Variants in C22orf31 observed in about 807,000 individuals in gnomAD.
C22orf31 encodes chromosome 22 open reading frame 31, also known as uncharacterized protein C22orf31.
C22orf31 carries 11 observed loss-of-function variants against 15.0 expected under a neutral mutation model. That is an observed-to-expected ratio of 0.73 (90% CI 0.46 to 1.21). The LOEUF (loss-of-function observed/expected upper bound fraction) is 1.21, where lower values mean the gene tolerates loss of function less well. C22orf31 is among the 50% of genes most tolerant of loss of function. The probability of loss-of-function intolerance (pLI) is 0.00; values close to 1 mark genes in which losing one functional copy is unlikely to be tolerated. For synonymous variants in C22orf31, 132 were observed against 133.3 expected, an observed-to-expected ratio of 0.99 and a Z score of 0.07; for missense variants, 340 against 347.2, an observed-to-expected ratio of 0.98 and a Z score of 0.17.
chr22:29,065,206 C>T (rs889836334), upstream of C22orf31, among the ~76,000 whole-genome samples: 3 of 152,132 alleles, frequency 2.0e-5, no homozygotes, highest in African/African-American at 7.2e-5. Context: ...CTTTCTTGAG[C>T]TCCTGTTGCT....
chr22:29,060,728 A>T lies in C22orf31; in HGVS notation c.119T>A (p.Ile40Asn), dbSNP rs895874701. 1.2e-6 allele frequency: 2 copies of T among 1,614,148 alleles called. No homozygotes were observed. Among genetic ancestry groups the T allele is most frequent in the East Asian group, 4.5e-5 (2 of 44,868 alleles). Reference sequence around the variant, plus strand: ...CTTTGCACATGTTCTGGCCATCCAGATGTTGGTGAGAGCCGGTGAGTCCAC... The same window carrying T: ...CTTTGCACATGTTCTGGCCATCCAGTTGTTGGTGAGAGCCGGTGAGTCCAC... Reference protein sequence around the residue: ...CYVDSPALTNIWMARTCAKQN... With the variant: ...CYVDSPALTNNWMARTCAKQN... The change falls in exon 2 of 3, where the codon ATC becomes AAC. Residue 40 changes from isoleucine (I) to asparagine (N), a missense_variant. Coordinates refer to ENST00000216071, the MANE Select transcript of C22orf31 (RefSeq NM_015370.2).
intron 1 of C22orf31, 125 bp from the exon 2 acceptor site, chr22:29,060,968 GA>G: frequency 2.6e-6 from 2 of 777,334 alleles, no homozygotes; most frequent in Non-Finnish European, 4.1e-6. Flanking sequence ...CCAGTTCTTA[GA>G]AATTTACTAT....
chr22:29,058,888 T>C lies in C22orf31; in HGVS notation c.727A>G (p.Ile243Val), dbSNP rs1238491157. 1 of 1,614,086 alleles carries C rather than the reference T, an allele frequency of 6.2e-7. No homozygotes were observed. The highest frequency in any genetic ancestry group is 8.5e-7 in the Non-Finnish European group (1 of 1,180,032). The stretch of plus-strand genomic sequence containing the variant: ...AGAGCCTCCCAGAGCTTTTGTTTAA[T>C]GGCCTTGCCCAGCTCCAGGCTGTAC... Reference protein sequence around the residue: ...KRYSLELGKAIKQKLWEALCS... With the variant: ...KRYSLELGKAVKQKLWEALCS... The change falls in exon 3 of 3, where the codon ATT (isoleucine) becomes GTT (valine). Residue 243 changes from isoleucine to valine, a missense_variant. Physicochemically the swap from Ile to Val is conservative, Grantham distance 29 (BLOSUM62 3). Transcript: ENST00000216071.
rs1364681043 is a variant in C22orf31 at position 29,061,593 on chromosome 22, C to T, written c.3+197G>A. 4.6e-5 allele frequency among the ~76,000 whole-genome samples: 7 copies of T among 152,052 alleles called. No individual in the cohort carries two copies. The East Asian group carries it at 1.3e-3, about 29-fold the overall frequency. ...ATACACTTTCTAACCAACTGCCATG[C>T]ACCAAGAAGAGCTCATTCACAGGGA... On this transcript the variant is annotated intron_variant, in intron 1 of 2. Transcript: ENST00000216071.
the C22orf31 span, among the ~76,000 whole-genome samples, chr22:29,073,934 C>G: frequency 6.6e-6 from 1 of 152,166 alleles, no homozygotes; most frequent in Admixed American, 6.5e-5. The surrounding 1 kb of genome is among the most constrained non-coding windows in gnomAD (Gnocchi z 4.4). Context: ...CCGAGACCTC[C>G]AGCGACATCC....
chr22:29,064,411 T>C (rs1306175358), upstream of C22orf31, among the ~76,000 whole-genome samples: 1 of 152,216 alleles, frequency 6.6e-6, no homozygotes, highest in African/African-American at 2.4e-5. Context: ...TCATACTGCC[T>C]ACCTAAGGGT....
intron 2 of C22orf31, chr22:29,059,861 G>T: frequency 1.0e-6 from 1 of 985,126 alleles, no homozygotes; most frequent in Non-Finnish European, 1.2e-6. Flanking sequence ...GCTTATGAAA[G>T]CCACCTCATC....
the C22orf31 span, chr22:29,073,366 C>A: frequency 8.3e-6 from 2 of 241,966 alleles, no homozygotes; most frequent in Non-Finnish European, 1.5e-5. This position sits in a 1 kb window ranked among gnomAD's most constrained non-coding sequence, Gnocchi z 4.4. Context: ...GGCGACGCCC[C>A]TCAGGCCGGG....
chr22:29,063,955 C>T (rs2037412850), upstream of C22orf31, among the ~76,000 whole-genome samples: 1 of 152,144 alleles, frequency 6.6e-6, no homozygotes, highest in Non-Finnish European at 1.5e-5. Flanking sequence ...GCAACCCCCA[C>T]CTCCCAGGTT....
chr22:29,067,926 G>A, the C22orf31 span, among the ~76,000 whole-genome samples: 1 of 152,102 alleles, frequency 6.6e-6, no homozygotes, highest in African/African-American at 2.4e-5. Flanking sequence ...ACAGAATAAG[G>A]AGGCATCAGG....
chr22:29,060,668 G>C lies in C22orf31; in HGVS notation c.179C>G (p.Ser60Cys). ...TGGGTTCCTTACAACTTCCCAAGAG[G>C]AAGTGGTAGCTGGTGCTGGGGCATT... ...NINAPAPATT[S>C]SWEVVRNPLI... Residue 60 changes from serine (S) to cysteine (C), a missense_variant, in exon 2 of 3, where the codon TCC becomes TGC. Transcript: ENST00000216071. The C allele has an allele frequency of 4.3e-6, 7 of 1,614,204 alleles. No homozygotes were observed. The highest frequency in any genetic ancestry group is 5.9e-6 in the Non-Finnish European group (7 of 1,180,038).
upstream of C22orf31, among the ~76,000 whole-genome samples, chr22:29,065,442 T>G (rs900534703): frequency 5.3e-5 from 8 of 151,730 alleles, no homozygotes; most frequent in African/African-American, 1.7e-4. Flanking sequence ...AAAAAAAATC[T>G]AGTGTATGAG....
upstream of C22orf31, among the ~76,000 whole-genome samples, chr22:29,064,840 G>A (rs1292203509): frequency 1.3e-5 from 2 of 150,336 alleles, no homozygotes; most frequent in Non-Finnish European, 3.0e-5. Flanking sequence ...CCTAACCCAT[G>A]TGAAAGTTAT....
At chr22:29,071,221 G>A in the C22orf31 span, among the ~76,000 whole-genome samples, 85 of 152,284 alleles carry the variant, frequency 5.6e-4, no homozygotes, top group East Asian at 1.2e-3. Flanking sequence ...GTGCCCCTAA[G>A]TTCCAATAAG....
At chr22:29,061,540 A>G (rs1351297249) in intron 1 of C22orf31, among the ~76,000 whole-genome samples, 1 of 152,154 alleles carries the variant, frequency 6.6e-6, no homozygotes, top group East Asian at 1.9e-4. Context: ...TGCTGGGATT[A>G]CCAGCATGAG....
rs41281609 is a variant in C22orf31, at chr22:29,060,808, A to G, written c.39T>C (p.Pro13=). ...AGATGGACTGTCGGAGTCCATAGAT[A>G]GGGATGCTGGGGTCTCGTCTCACAT... The part of the protein sequence containing the change: ...PINVRRDPSI[P]IYGLRQSILL... Residue 13 remains proline, a synonymous_variant, in exon 2 of 3, where the codon CCT becomes CCC. Coordinates refer to ENST00000216071, the MANE Select transcript of C22orf31 (RefSeq NM_015370.2). 12,791 of 1,614,032 alleles carry G rather than the reference A, an allele frequency of 7.9e-3. 88 individuals carry two copies. The highest frequency in any genetic ancestry group is 0.025 in the Middle Eastern group (152 of 6,058).
upstream of C22orf31, among the ~76,000 whole-genome samples, chr22:29,066,773 C>G (rs2037434794): frequency 6.6e-6 from 1 of 151,806 alleles, no homozygotes; most frequent in Non-Finnish European, 1.5e-5. Context: ...GTCAGCCAGG[C>G]TGGTCTTGGA....
At chr22:29,066,524 CTTT>C (rs1187058004), upstream of C22orf31, among the ~76,000 whole-genome samples, 1 of 92,816 alleles carries the variant, frequency 1.1e-5, no homozygotes, top group South Asian at 3.3e-4. Context: ...TTCTTTCTTT[CTTT>C]TCTTTTCTTT....
rs780065509 is a variant in C22orf31, at chr22:29,060,504, C to T, written c.343G>A (p.Ala115Thr). The change falls in exon 2 of 3, where the codon GCC becomes ACC. Residue 115 changes from alanine (A) to threonine (T), a missense_variant. By Grantham distance (58) the Ala-to-Thr change is moderately conservative. Transcript: ENST00000216071. ...TTTCTTTTCCTGGCCTGCTGGGTGG[C>T]TTTCATCACTGAATCGTCCTTGTGC... is the stretch of plus-strand genomic sequence containing the variant. ...LKHKDDSVMK[A>T]TQQARKRNFI... 2 of 1,614,086 alleles carry T rather than the reference C, an allele frequency of 1.2e-6. No homozygotes were observed. Among genetic ancestry groups the T allele is most frequent in the Non-Finnish European group, 1.7e-6 (2 of 1,180,020 alleles).
Sources: allele counts gnomAD v4.1 joint callset (sites outside exome capture counted in the v4.1 genomes callset), GRCh38; gene constraint gnomAD v4.1.1; non-coding constraint Gnocchi (gnomAD v3.1); transcripts MANE v1.5; gene names NCBI Gene and HGNC (gene_info 2026-07-23, HGNC 2026-07-21).